Variants in TSPAN18 observed in about 807,000 individuals in gnomAD.
TSPAN18 encodes tetraspanin 18.
In TSPAN18, 14 loss-of-function variants were observed where a neutral mutation model predicts 27.3. That is an observed-to-expected ratio of 0.51 (90% CI 0.34 to 0.80). TSPAN18 has a LOEUF of 0.80. Ranked by LOEUF, TSPAN18 falls within the 30% of genes least tolerant of loss-of-function variation. TSPAN18 has a pLI of 0.01. For missense variants in TSPAN18, 268 were observed against 323.9 expected (o/e 0.83, Z 1.32); for synonymous variants, 143 against 136.5 (o/e 1.05, Z -0.33).
intron 1 of TSPAN18, among the ~76,000 whole-genome samples, chr11:44,734,267 T>C (rs950302960): frequency 1.3e-5 from 2 of 152,198 alleles, no homozygotes; most frequent in Admixed American, 6.5e-5. Context: ...GTATACTCCT[T>C]TGTAGCAACA....
intron 4 of TSPAN18, among the ~76,000 whole-genome samples, chr11:44,908,812 A>AAGGAAGG (rs1859589892): frequency 7.0e-6 from 1 of 143,586 alleles, no homozygotes; most frequent in Non-Finnish European, 1.5e-5. Flanking sequence ...AGAAAGAAAG[A>AAGGAAGG]AAGAAAGAAA....
rs73450637 is a variant in TSPAN18 at position 44,773,807 on chromosome 11, G to A, written c.-153+9295G>A. On this transcript the variant is annotated intron_variant, in intron 2 of 9. Transcript: ENST00000520358. ...CAAGACCAGCCTGGGAACCCCTGGC[G>A]TCCTGGGAACCCTGGGTCAATAAGT... is the stretch of plus-strand genomic sequence containing the variant. Among the ~76,000 whole-genome samples the A allele has an allele frequency of 4.6e-3, 696 of 152,286 alleles. 3 individuals are homozygous for A. Among genetic ancestry groups the A allele is most frequent in the African/African-American group, 0.016 (657 of 41,554 alleles).
intron 2 of TSPAN18, among the ~76,000 whole-genome samples, chr11:44,857,395 C>T (rs1000338552): frequency 1.3e-5 from 2 of 152,214 alleles, no homozygotes; most frequent in African/African-American, 2.4e-5. Flanking sequence ...GAATGCAAGT[C>T]GGGCTGTGCC....
chr11:44,928,945 A>C (rs1860468265), intron 9 of TSPAN18, among the ~76,000 whole-genome samples, 186 bp from the exon 10 acceptor site: 1 of 152,176 alleles, frequency 6.6e-6, no homozygotes, highest in Non-Finnish European at 1.5e-5. Context: ...CCATGACTCC[A>C]CCACATAAAG....
Position 44,862,705 on chromosome 11 carries a change from C to T in TSPAN18, c.-11+2236C>T, listed in dbSNP as rs61880644. ...CCTCTGGGTGTCTTGCCCCCAACCC[C>T]TCGCCTGATGTCTCAGACAGTGCTA... On this transcript the variant is annotated intron_variant, in intron 3 of 9. Coordinates refer to ENST00000520358, the MANE Select transcript of TSPAN18 (RefSeq NM_130783.5). Among the ~76,000 whole-genome samples, 716 of 152,326 alleles carry T rather than the reference C, an allele frequency of 4.7e-3. 1 individual carries two copies. The highest frequency in any genetic ancestry group is 5.3e-3 in the Non-Finnish European group (360 of 68,034).
intron 2 of TSPAN18, among the ~76,000 whole-genome samples, chr11:44,803,841 CAG>C (rs1160003214): frequency 6.6e-6 from 1 of 152,072 alleles, no homozygotes; most frequent in African/African-American, 2.4e-5. Flanking sequence ...TGAGAGGGGC[CAG>C]AGAGATGATA....
intron 5 of TSPAN18, among the ~76,000 whole-genome samples, chr11:44,916,979 G>A (rs982985146): frequency 4.6e-5 from 7 of 152,244 alleles, no homozygotes; most frequent in African/African-American, 7.2e-5. Flanking sequence ...ACAATGACCA[G>A]GGCCGGTGAT....
intron 1 of TSPAN18, among the ~76,000 whole-genome samples, chr11:44,751,792 T>G (rs1452401884): frequency 3.3e-5 from 5 of 151,976 alleles, no homozygotes; most frequent in Non-Finnish European, 7.4e-5. Context: ...TTGGACATGA[T>G]GGCAGGTGCC....
intron 1 of TSPAN18, among the ~76,000 whole-genome samples, chr11:44,744,236 C>A (rs1411140784): frequency 6.6e-6 from 1 of 152,204 alleles, no homozygotes; most frequent in African/African-American, 2.4e-5. Flanking sequence ...GATGTCAGAT[C>A]ACCAATCTCA....
chr11:44,925,053 G>T (rs1298870123), intron 8 of TSPAN18, among the ~76,000 whole-genome samples: 1 of 152,222 alleles, frequency 6.6e-6, no homozygotes, highest in Non-Finnish European at 1.5e-5. Context: ...GGAACCCCTG[G>T]GTTGCCCTTA....
At chr11:44,785,268 C>A (rs1332474757) in intron 2 of TSPAN18, among the ~76,000 whole-genome samples, 2 of 152,158 alleles carry the variant, frequency 1.3e-5, no homozygotes, top group African/African-American at 2.4e-5. Flanking sequence ...CTGAAGTCAC[C>A]TTTTTCCCAT....
At chr11:44,915,779 G>A (rs1590685429) in intron 5 of TSPAN18, among the ~76,000 whole-genome samples, 1 of 152,312 alleles carries the variant, frequency 6.6e-6, no homozygotes, top group African/African-American at 2.4e-5. Flanking sequence ...TGCACCTGTG[G>A]AGTAGTCACT....
In TSPAN18 at chr11:44,746,642, A is replaced by C. The variant is rs920334645; in HGVS notation, c.-239-17784A>C. On this transcript the variant is annotated intron_variant, in intron 1 of 9. Coordinates refer to ENST00000520358, the MANE Select transcript of TSPAN18 (RefSeq NM_130783.5). ...GATGGTGGTGCATGCCTGTAGTCCC[A>C]GCTACTTGGGAGGCTGAGGCGAGAG... Among the ~76,000 whole-genome samples, 30 of 152,312 alleles carry C rather than the reference A, an allele frequency of 2.0e-4. 1 individual carries two copies. In the East Asian group the frequency reaches 5.8e-3, roughly 29 times the overall value.
chr11:44,764,133 G>C (rs952728757), intron 1 of TSPAN18, among the ~76,000 whole-genome samples: 6 of 152,112 alleles, frequency 3.9e-5, no homozygotes, highest in Admixed American at 3.9e-4. Flanking sequence ...GCACTGAGGG[G>C]ACAGTGCTAA....
intron 2 of TSPAN18, among the ~76,000 whole-genome samples, chr11:44,831,861 T>G (rs1217083423): frequency 6.6e-6 from 1 of 152,060 alleles, no homozygotes; most frequent in Non-Finnish European, 1.5e-5. Flanking sequence ...GGAAGCCTTC[T>G]TGGAGGAGGG....
chr11:44,743,897 T>C (rs553528941), intron 1 of TSPAN18, among the ~76,000 whole-genome samples: 1 of 152,350 alleles, frequency 6.6e-6, no homozygotes, highest in African/African-American at 2.4e-5. Flanking sequence ...GGGGTACATT[T>C]TGCTGAAAAT....
intron 2 of TSPAN18, among the ~76,000 whole-genome samples, chr11:44,787,519 G>A (rs550567132): frequency 2.0e-5 from 3 of 152,284 alleles, no homozygotes; most frequent in Admixed American, 6.5e-5. Flanking sequence ...AGACAGAGTG[G>A]GAAGGCAGCA....
At chr11:44,734,104 C>T (rs1196590219) in intron 1 of TSPAN18, among the ~76,000 whole-genome samples, 1 of 152,082 alleles carries the variant, frequency 6.6e-6, no homozygotes, top group African/African-American at 2.4e-5. Flanking sequence ...TGCCTCTCAC[C>T]ACATGATCTC....
chr11:44,870,805 TA>T (rs1858173375), intron 3 of TSPAN18, among the ~76,000 whole-genome samples: 1 of 152,204 alleles, frequency 6.6e-6, no homozygotes, highest in African/African-American at 2.4e-5. Context: ...TTTCAGCTGT[TA>T]AAGATGTCAC....
Sources: gnomAD v4.1 joint callset for allele counts (sites outside exome capture counted in the v4.1 genomes callset) on GRCh38, gnomAD v4.1.1 for gene constraint, MANE v1.5 for transcripts, NCBI Gene and HGNC (gene_info 2026-07-23, HGNC 2026-07-21) for gene names.